Variants in CRYBG1 observed in about 807,000 individuals in gnomAD.
CRYBG1 encodes crystallin beta-gamma domain containing 1, also known as beta/gamma crystallin domain-containing protein 1.
A neutral mutation model predicts 189.2 loss-of-function variants in CRYBG1; 139 were observed. That is an observed-to-expected ratio of 0.73 (90% CI 0.64 to 0.85). The LOEUF (loss-of-function observed/expected upper bound fraction) is 0.85, where lower values mean the gene tolerates loss of function less well. Ranked by LOEUF, CRYBG1 falls within the 40% of genes least tolerant of loss-of-function variation. CRYBG1 has a pLI of 0.00. For synonymous variants in CRYBG1, 1,023 were observed against 1,017.1 expected, an observed-to-expected ratio of 1.01 and a Z score of -0.11; for missense variants, 2,611 against 2,675.8, an observed-to-expected ratio of 0.98 and a Z score of 0.53.
At chr6:106,416,821 T>C (rs1416589029) in intron 1 of CRYBG1, among the ~76,000 whole-genome samples, 1 of 152,096 alleles carries the variant, frequency 6.6e-6, no homozygotes, top group Non-Finnish European at 1.5e-5. Flanking sequence ...AAAAGAACAG[T>C]GTATAGTCTA....
chr6:106,398,340 A>G (rs1481393895), intron 1 of CRYBG1, among the ~76,000 whole-genome samples: 1 of 152,148 alleles, frequency 6.6e-6, no homozygotes, highest in Non-Finnish European at 1.5e-5. Flanking sequence ...CATGGCAAGG[A>G]GGCTGAGATG....
chr6:106,493,818 G>C (rs1371891323), intron 2 of CRYBG1, among the ~76,000 whole-genome samples: 1 of 152,142 alleles, frequency 6.6e-6, no homozygotes, highest in Non-Finnish European at 1.5e-5. Context: ...GGAGGGGAAG[G>C]GAGAGAATCA....
Position 106,512,696 on chromosome 6 carries a change from G to A in CRYBG1, c.1579G>A (p.Ala527Thr), listed in dbSNP as rs974242331. Residue 527 changes from alanine (A) to threonine (T), a missense_variant, in exon 3 of 22, where the codon GCC becomes ACC. Around this residue, in one of 3 missense-constraint regions of CRYBG1, gnomAD observed 985 missense variants for 924.4 expected, o/e 1.07. Coordinates refer to ENST00000633556, the MANE Select transcript of CRYBG1 (RefSeq NM_001371242.2). ...GAGCCGTGCCCTCGAGGCCGTGCCC[G>A]CCCCGCCCGCCAGCGGCCCCCGGGC... Reference protein sequence around the residue: ...GRSRALEAVPAPPASGPRAPA... With the variant: ...GRSRALEAVPTPPASGPRAPA... The A allele has an allele frequency of 4.5e-6, 7 of 1,542,674 alleles. No individual in the cohort carries two copies. The highest frequency in any genetic ancestry group is 6.1e-6 in the Non-Finnish European group (7 of 1,144,296).
At chr6:106,515,756 A>AATTTATTC (rs1773402902) in intron 3 of CRYBG1, among the ~76,000 whole-genome samples, 2 of 141,250 alleles carry the variant, frequency 1.4e-5, no homozygotes, top group Non-Finnish European at 3.1e-5. Flanking sequence ...GCAGAGATCA[A>AATTTATTC]ATTTATTTAT....
At chr6:106,516,664 C>G (rs1036421874) in intron 3 of CRYBG1, among the ~76,000 whole-genome samples, 2 of 152,156 alleles carry the variant, frequency 1.3e-5, no homozygotes, top group Non-Finnish European at 2.9e-5. Flanking sequence ...CATGATAATT[C>G]ACTGACTTTA....
intron 2 of CRYBG1, among the ~76,000 whole-genome samples, chr6:106,503,317 A>G (rs1773049961): frequency 6.6e-6 from 1 of 152,202 alleles, no homozygotes; most frequent in Admixed American, 6.5e-5. Context: ...AGCACACTCT[A>G]TCTACAATTA....
chr6:106,432,661 G>A (rs533521497), intron 1 of CRYBG1, among the ~76,000 whole-genome samples: 4 of 152,164 alleles, frequency 2.6e-5, no homozygotes, highest in Non-Finnish European at 5.9e-5. Flanking sequence ...GCAAAAAAAT[G>A]GAGTTCTCTG....
intron 1 of CRYBG1, among the ~76,000 whole-genome samples, chr6:106,422,344 A>ATTTATTTATTTATTTATTTATTTAT (rs57640822): frequency 5.7e-5 from 8 of 139,928 alleles, no homozygotes; most frequent in African/African-American, 2.1e-4. Flanking sequence ...TTATTTATTT[A>ATTTATTTATTTATTTATTTATTTAT]TTTTTGAGAC....
chr6:106,451,669 A>G (rs1331808532), intron 1 of CRYBG1, 25 bp from the exon 2 acceptor site: 3 of 1,526,610 alleles, frequency 2.0e-6, no homozygotes, highest in South Asian at 1.2e-5. Flanking sequence ...GTGTATTGAC[A>G]TGACTGTGGT....
intron 2 of CRYBG1, among the ~76,000 whole-genome samples, chr6:106,453,881 G>A (rs1286091766): frequency 2.0e-5 from 3 of 152,216 alleles, no homozygotes; most frequent in African/African-American, 7.2e-5. Flanking sequence ...AGCCGCAGAT[G>A]AACTGGGATC....
At chr6:106,555,035 T>G (rs1017913826) in intron 16 of CRYBG1, among the ~76,000 whole-genome samples, 6 of 151,272 alleles carry the variant, frequency 4.0e-5, no homozygotes, top group Non-Finnish European at 8.9e-5. Context: ...TGTGGTGGCA[T>G]GCACCTGTAG....
intron 2 of CRYBG1, among the ~76,000 whole-genome samples, chr6:106,507,528 C>T (rs368839877): frequency 6.6e-6 from 1 of 152,132 alleles, no homozygotes; most frequent in Non-Finnish European, 1.5e-5. Flanking sequence ...TCACTCATGG[C>T]CTCTTTGCAA....
intron 1 of CRYBG1, among the ~76,000 whole-genome samples, chr6:106,386,607 C>T (rs751600316): frequency 2.0e-4 from 29 of 142,088 alleles, no homozygotes; most frequent in African/African-American, 7.7e-4. Flanking sequence ...CCCAGCTCCA[C>T]CTCAGATCAT....
In CRYBG1 at chr6:106,488,322, G is replaced by C. The variant is rs563941641; in HGVS notation, c.313-23108G>C. ...GTGGGCATTCTCTCCAGTGGTGTAG[G>C]GTCCCCTCCAGGCTTGCTCTCAGGC... On this transcript the variant is annotated intron_variant, in intron 2 of 21. Transcript: ENST00000633556. Among the ~76,000 whole-genome samples the C allele has an allele frequency of 3.9e-5, 6 of 152,264 alleles. No individual in the cohort carries two copies. The South Asian group carries it at 1.2e-3, about 32-fold the overall frequency.
chr6:106,373,978 A>G (rs1770096814), intron 1 of CRYBG1, among the ~76,000 whole-genome samples: 1 of 152,218 alleles, frequency 6.6e-6, no homozygotes, highest in African/African-American at 2.4e-5. Flanking sequence ...TTCTCTCCAA[A>G]GTGGTCTTGA....
chr6:106,475,990 G>GTA (rs1453375863), intron 2 of CRYBG1, among the ~76,000 whole-genome samples: 1 of 152,158 alleles, frequency 6.6e-6, no homozygotes, highest in East Asian at 1.9e-4. Context: ...TAGAAAATGA[G>GTA]TACCTGTGTA....
chr6:106,499,633 GA>G (rs1772957487), intron 2 of CRYBG1, among the ~76,000 whole-genome samples: 1 of 151,994 alleles, frequency 6.6e-6, no homozygotes, highest in Non-Finnish European at 1.5e-5. Context: ...ATTGTATCCA[GA>G]AAATTAACAT....
At position 106,561,433 on chromosome 6, in the gene CRYBG1, A is replaced by G. The variant is rs371668392; in HGVS notation, c.6071A>G (p.Gln2024Arg). Residue 2024 changes from glutamine to arginine, a missense_variant, in exon 20 of 22, where the codon CAG becomes CGG. Transcript: ENST00000633556. ...GAGGATCTGAAGCTTCTGAGGATAC[A>G]GGTCATGGAGGATGTCGGGGCCGAT... is the stretch of plus-strand genomic sequence containing the variant. ...NLEDLKLLRI[Q>R]VMEDVGADDQ... The G allele has an allele frequency of 3.7e-6, 6 of 1,614,090 alleles. No homozygotes were observed. The highest frequency in any genetic ancestry group is 5.1e-6 in the Non-Finnish European group (6 of 1,180,024).
intron 2 of CRYBG1, among the ~76,000 whole-genome samples, chr6:106,465,209 G>C (rs762865106): frequency 1.1e-4 from 16 of 152,100 alleles, no homozygotes; most frequent in African/African-American, 3.6e-4. Flanking sequence ...TCTCCAGGGC[G>C]GGGAACTAAC....
Sources: gnomAD v4.1 joint callset for allele counts (sites outside exome capture counted in the v4.1 genomes callset) on GRCh38, gnomAD v4.1.1 for gene constraint, gnomAD v4.1.1 regional missense constraint, MANE v1.5 for transcripts, NCBI Gene and HGNC (gene_info 2026-07-23, HGNC 2026-07-21) for gene names.